Variants in TOM1L2 observed in about 807,000 individuals in gnomAD.
TOM1L2 encodes TOM1-like protein 2.
A neutral mutation model predicts 67.9 loss-of-function variants in TOM1L2; 31 were observed. That is an observed-to-expected ratio of 0.46 (90% CI 0.34 to 0.62). The LOEUF is 0.62. Among genes scored for constraint, TOM1L2 ranks in the 20% least tolerant of loss-of-function variants. TOM1L2 has a pLI of 0.01. For synonymous variants in TOM1L2, 256 were observed against 254.0 expected (o/e 1.01, Z -0.07); for missense variants, 606 against 663.5 (o/e 0.91, Z 0.95).
chr17:17,871,939 A>T, intron 7 of TOM1L2: 1 of 974,494 alleles, frequency 1.0e-6, no homozygotes, highest in Non-Finnish European at 1.2e-6. Flanking sequence ...CTATCCAGTA[A>T]AGAGAAAACT....
At chr17:17,961,386 G>A (rs1207962003) in intron 1 of TOM1L2, among the ~76,000 whole-genome samples, 1 of 152,002 alleles carries the variant, frequency 6.6e-6, no homozygotes, top group Non-Finnish European at 1.5e-5. Flanking sequence ...GGGATACATG[G>A]GGAGGCCTTG....
intron 1 of TOM1L2, among the ~76,000 whole-genome samples, chr17:17,917,371 T>C (rs2039670768): frequency 6.6e-6 from 1 of 151,326 alleles, no homozygotes; most frequent in Non-Finnish European, 1.5e-5. Context: ...TTAAAGGTTG[T>C]TTGGCTATTT....
chr17:17,875,294 G>A (rs1421597092), intron 7 of TOM1L2, among the ~76,000 whole-genome samples: 1 of 151,588 alleles, frequency 6.6e-6, no homozygotes, highest in Admixed American at 6.6e-5. Flanking sequence ...AGGACAGAAG[G>A]TGAGAAGGTG....
At chr17:17,951,021 T>C (rs2041184237) in intron 1 of TOM1L2, among the ~76,000 whole-genome samples, 1 of 152,100 alleles carries the variant, frequency 6.6e-6, no homozygotes, top group Admixed American at 6.6e-5. Flanking sequence ...TGGCAGGATG[T>C]CTCCAGGGAT....
chr17:17,938,878 C>T (rs1247761157), intron 1 of TOM1L2, among the ~76,000 whole-genome samples: 10 of 151,594 alleles, frequency 6.6e-5, no homozygotes, highest in African/African-American at 9.7e-5. Flanking sequence ...CGGTCTAGGT[C>T]GAAACTTATA....
chr17:17,929,056 CCAAGCACT>C (rs1568305092), intron 1 of TOM1L2, among the ~76,000 whole-genome samples: 1 of 152,192 alleles, frequency 6.6e-6, no homozygotes, highest in African/African-American at 2.4e-5. Flanking sequence ...TGAAGATTCC[CCAAGCACT>C]GCTGTGAGAA....
chr17:17,917,477 T>C (rs1383673589), intron 1 of TOM1L2, among the ~76,000 whole-genome samples: 7 of 86,536 alleles, frequency 8.1e-5, no homozygotes, highest in South Asian at 5.4e-4. Flanking sequence ...TTTTTTTTTT[T>C]TTTCAGAGAC....
At chr17:17,871,188 G>A (rs1180481761) in intron 7 of TOM1L2, among the ~76,000 whole-genome samples, 2 of 151,016 alleles carry the variant, frequency 1.3e-5, no homozygotes, top group East Asian at 3.9e-4. Flanking sequence ...GGCTAATACG[G>A]TGAAACCCCG....
intron 7 of TOM1L2, among the ~76,000 whole-genome samples, chr17:17,876,571 AG>A (rs1301148288): frequency 6.6e-6 from 1 of 152,232 alleles, no homozygotes; most frequent in Non-Finnish European, 1.5e-5. Context: ...AATGTGTGAA[AG>A]GGCTTTCTAA....
chr17:17,952,317 C>G (rs527866869), intron 1 of TOM1L2, among the ~76,000 whole-genome samples: 306 of 150,738 alleles, frequency 2.0e-3, no homozygotes, highest in African/African-American at 7.1e-3. Flanking sequence ...CTCTGGGGAG[C>G]CTAGTTGGGC....
intron 1 of TOM1L2, among the ~76,000 whole-genome samples, chr17:17,969,275 T>C (rs4343339): frequency 0.49 from 74,027 of 151,654 alleles, 19,094 homozygotes; most frequent in East Asian, 0.86. Flanking sequence ...CAGGCTGGCC[T>C]CCAACTCCTG....
At chr17:17,898,711 T>TC (rs760571858) in intron 2 of TOM1L2, 37 bp from the exon 3 acceptor site, 1 of 1,608,668 alleles carries the variant, frequency 6.2e-7, no homozygotes, top group Non-Finnish European at 8.5e-7. Flanking sequence ...ATACTTACAA[T>TC]CCCACTTGAG....
rs1286028550 is a variant in TOM1L2 at position 17,972,339 on chromosome 17, C to T, written c.-26G>A. The T allele has an allele frequency of 3.2e-6, 5 of 1,549,282 alleles. No individual in the cohort carries two copies. Among genetic ancestry groups the T allele is most frequent in the African/African-American group, 1.4e-5 (1 of 73,134 alleles). On this transcript the variant is annotated 5_prime_UTR_variant, in exon 1 of 15. Transcript: ENST00000379504. ...CTTGGGTGGACAACACGCAGCGGCC[C>T]GGGCCCCCTGTCTGCCACCTAGGCC...
At position 17,954,219 on chromosome 17, in the gene TOM1L2, C is replaced by T. The variant is rs559605074; in HGVS notation, c.52+18043G>A. Among the ~76,000 whole-genome samples, 13 of 151,786 alleles carry T rather than the reference C, an allele frequency of 8.6e-5. No individual in the cohort carries two copies. The South Asian group carries it at 2.7e-3, about 32-fold the overall frequency. Reference sequence around the variant, plus strand: ...AGCACAGAAAAGGAGGGAGTGGGAACGGCAAAGTAAGTAGAGACCTTGGTA... The same window carrying T: ...AGCACAGAAAAGGAGGGAGTGGGAATGGCAAAGTAAGTAGAGACCTTGGTA... On this transcript the variant is annotated intron_variant, in intron 1 of 14. Coordinates refer to ENST00000379504, the MANE Select transcript of TOM1L2 (RefSeq NM_001082968.2).
chr17:17,879,874 T>G (rs541161194), intron 6 of TOM1L2, 131 bp from the exon 7 acceptor site: 1 of 802,306 alleles, frequency 1.2e-6, no homozygotes, highest in South Asian at 1.5e-5. Flanking sequence ...CCTTTCTGAG[T>G]GCACACTGCA....
intron 1 of TOM1L2, among the ~76,000 whole-genome samples, chr17:17,937,940 G>T (rs1390319046): frequency 1.3e-5 from 2 of 152,134 alleles, no homozygotes; most frequent in African/African-American, 4.8e-5. Flanking sequence ...CTGCCTAATA[G>T]AGAACCACAC....
In TOM1L2 at chr17:17,907,519, T is replaced by C. The variant is rs761266752; in HGVS notation, c.65A>G (p.Asp22Gly). 1.2e-6 allele frequency: 2 copies of C among 1,613,942 alleles called. No homozygotes were observed. The highest frequency in any genetic ancestry group is 1.7e-6 in the Non-Finnish European group (2 of 1,179,880). ...PVGQCLEKAT[D>G]GSLQSEDWTL... ...CCAATCCTCACTTTGCAGGGAGCCA[T>C]CTGTTGCCTTTTCTGTGAAATCAGA... Residue 22 changes from aspartate (D) to glycine (G), a missense_variant, in exon 2 of 15, where the codon GAT (aspartate) becomes GGT (glycine). Asp to Gly is a moderately conservative substitution (Grantham distance 94). Transcript: ENST00000379504.
chr17:17,868,053 A>C (rs188167986), intron 8 of TOM1L2, among the ~76,000 whole-genome samples: 1 of 152,244 alleles, frequency 6.6e-6, no homozygotes, highest in African/African-American at 2.4e-5. Flanking sequence ...GAAAATACTC[A>C]TATTAGTTAG....
At chr17:17,933,698 T>C (rs2040416658) in intron 1 of TOM1L2, among the ~76,000 whole-genome samples, 2 of 152,214 alleles carry the variant, frequency 1.3e-5, no homozygotes, top group Non-Finnish European at 2.9e-5. Flanking sequence ...AGTTGTCTGA[T>C]GGATATTTAC....
Sources: allele counts gnomAD v4.1 joint callset (sites outside exome capture counted in the v4.1 genomes callset), GRCh38; gene constraint gnomAD v4.1.1; transcripts MANE v1.5; gene names NCBI Gene and HGNC (gene_info 2026-07-23, HGNC 2026-07-21).